The following WDR33 variants were observed in gnomAD, a reference collection of about 807,000 sequenced individuals.
WDR33 encodes WD repeat domain 33, also known as pre-mRNA 3' end processing protein WDR33.
In WDR33, 47 loss-of-function variants were observed where a neutral mutation model predicts 164.9. The observed-to-expected ratio is 0.29, with a 90% CI of 0.23 to 0.36. The LOEUF (loss-of-function observed/expected upper bound fraction) is 0.36, where lower values mean the gene tolerates loss of function less well. Ranked by LOEUF, WDR33 falls within the 10% of genes least tolerant of loss-of-function variation. The probability of loss-of-function intolerance (pLI) is 1.00; values close to 1 mark genes in which losing one functional copy is unlikely to be tolerated. For synonymous variants in WDR33, 505 were observed against 589.0 expected (o/e 0.86, Z 2.06); for missense variants, 1,137 against 1,754.1 (o/e 0.65, Z 6.28).
In WDR33 at chr2:127,708,863, G is replaced by C; in HGVS notation, c.3595C>G (p.Pro1199Ala). 2 of 1,586,682 alleles carry C rather than the reference G, an allele frequency of 1.3e-6. No homozygotes were observed. Among genetic ancestry groups the C allele is most frequent in the Non-Finnish European group, 1.7e-6 (2 of 1,163,272 alleles). Residue 1199 changes from proline (P) to alanine (A), a missense_variant, in exon 21 of 22, where the codon CCC becomes GCC. Physicochemically the swap from Pro to Ala is conservative, Grantham distance 27. Around this residue, in one of 9 missense-constraint regions of WDR33, gnomAD observed 867 missense variants for 1,073.0 expected, o/e 0.81. Coordinates refer to ENST00000322313, the MANE Select transcript of WDR33 (RefSeq NM_018383.5). This position sits in a 1 kb window ranked among gnomAD's most constrained non-coding sequence, Gnocchi z 6.7. ...GPGHEHFRDT[P>A]RPDHPPHDGH... ...TCGTGAGGGGGATGATCAGGGCGGG[G>C]AGTATCACGAAAATGTTCATGACCT...
At chr2:127,750,677 A>AAAAAT (rs1558936792) in intron 7 of WDR33, among the ~76,000 whole-genome samples, 5 of 35,798 alleles carry the variant, frequency 1.4e-4, no homozygotes, top group Non-Finnish European at 1.8e-4. Flanking sequence ...AAAAAAAAAA[A>AAAAAT]ATATATATAT....
intron 7 of WDR33, among the ~76,000 whole-genome samples, chr2:127,749,555 G>A (rs990016555): frequency 4.0e-5 from 6 of 151,620 alleles, no homozygotes; most frequent in South Asian, 4.2e-4. Flanking sequence ...CCAGCTATTC[G>A]GGAGGCTGAG....
At chr2:127,792,249 C>T (rs1238312252) in intron 1 of WDR33, among the ~76,000 whole-genome samples, 7 of 151,890 alleles carry the variant, frequency 4.6e-5, no homozygotes, top group East Asian at 3.9e-4. Flanking sequence ...ATCTTAGTAT[C>T]TTAGCAGTGG....
At chr2:127,728,891 C>A (rs1334295930) in intron 7 of WDR33, among the ~76,000 whole-genome samples, 1 of 152,198 alleles carries the variant, frequency 6.6e-6, no homozygotes, top group East Asian at 1.9e-4. Flanking sequence ...ACATAAAGAA[C>A]GTATGTCTGT....
In WDR33 at chr2:127,724,101, G is replaced by A. The variant is rs1042584408; in HGVS notation, c.1196+232C>T. Among the ~76,000 whole-genome samples the A allele has an allele frequency of 6.6e-6, 1 of 151,732 alleles. No individual in the cohort carries two copies. The highest frequency in any genetic ancestry group is 2.4e-5 in the African/African-American group (1 of 41,222). ...AATAAATAAATAAATAAATAAAAGT[G>A]GAAAACTTCTGTTTTAAGTCAGAAG... On this transcript the variant is annotated intron_variant, in intron 11 of 21. Coordinates refer to ENST00000322313, the MANE Select transcript of WDR33 (RefSeq NM_018383.5). This position sits in a 1 kb window ranked among gnomAD's most constrained non-coding sequence, Gnocchi z 4.8.
At position 127,768,225 on chromosome 2, in the gene WDR33, T is replaced by C. The variant is rs773287945; in HGVS notation, c.342A>G (p.Ser114=). Residue 114 remains serine, a synonymous_variant, in exon 4 of 22, where the codon TCA becomes TCG. Coordinates refer to ENST00000322313, the MANE Select transcript of WDR33 (RefSeq NM_018383.5). ...NAVTTKFVRT[S]TNKVKCPVFV... is the part of the protein sequence containing the mutation. ...ATACAGGACACTTTACTTTATTTGTTGATGTCCGAACAAATTTTGTTGTTA... is the reference window on the plus strand; with the variant it reads ...ATACAGGACACTTTACTTTATTTGTCGATGTCCGAACAAATTTTGTTGTTA... 5.1e-6 allele frequency: 8 copies of C among 1,583,304 alleles called. No homozygotes were observed. The highest frequency in any genetic ancestry group is 4.0e-5 in the African/African-American group (3 of 74,404).
intron 7 of WDR33, among the ~76,000 whole-genome samples, chr2:127,747,477 CTTTA>C (rs1040304727): frequency 1.3e-5 from 2 of 151,660 alleles, no homozygotes; most frequent in Non-Finnish European, 2.9e-5. Flanking sequence ...AATCTAAAAC[CTTTA>C]TTTAAAGATT....
intron 1 of WDR33, among the ~76,000 whole-genome samples, chr2:127,779,169 T>TTA (rs1553478762): frequency 1.1e-4 from 16 of 146,298 alleles, no homozygotes; most frequent in African/African-American, 2.8e-4. Flanking sequence ...TTTTAATAAT[T>TTA]AAAAAAAAAA....
rs888088151 is a variant in WDR33 at position 127,741,475 on chromosome 2, C to T, written c.725-14698G>A. ...GTGCTTCTCCACTCACTTCATTAAA[C>T]ACACACAAACATGCACGTGTGTACA... On this transcript the variant is annotated intron_variant, in intron 7 of 21. Transcript: ENST00000322313. The surrounding 1 kb of genome is among the most constrained non-coding windows in gnomAD (Gnocchi z 4.1). Among the ~76,000 whole-genome samples, 70 of 152,288 alleles carry T rather than the reference C, an allele frequency of 4.6e-4. No individual in the cohort carries two copies. The highest frequency in any genetic ancestry group is 1.5e-3 in the African/African-American group (62 of 41,558).
intron 4 of WDR33, among the ~76,000 whole-genome samples, chr2:127,765,488 C>A (rs888567865): frequency 2.0e-5 from 3 of 152,142 alleles, no homozygotes; most frequent in Admixed American, 2.0e-4. Flanking sequence ...AAATTAAAGA[C>A]AGTAAGTACA....
chr2:127,788,265 TCC>T (rs1688681115), intron 1 of WDR33, among the ~76,000 whole-genome samples: 1 of 115,064 alleles, frequency 8.7e-6, no homozygotes, highest in Non-Finnish European at 1.8e-5. Flanking sequence ...CCCACCTCCC[TCC>T]CGGACAGGGC....
At chr2:127,802,843 T>C (rs985612348) in intron 1 of WDR33, among the ~76,000 whole-genome samples, 4 of 151,882 alleles carry the variant, frequency 2.6e-5, no homozygotes, top group Admixed American at 6.6e-5. Flanking sequence ...TAGCCAGGCA[T>C]GGTGGTGCGC....
intron 7 of WDR33, among the ~76,000 whole-genome samples, chr2:127,743,869 C>T (rs1354839948): frequency 1.3e-5 from 2 of 152,138 alleles, no homozygotes; most frequent in African/African-American, 4.8e-5. Context: ...AGAGGCACTA[C>T]GTCAGACAGA....
chr2:127,750,737 T>C (rs140075367), intron 7 of WDR33, among the ~76,000 whole-genome samples: 6,277 of 66,706 alleles, frequency 0.094, 314 homozygotes, highest in African/African-American at 0.12. Flanking sequence ...CATATATATG[T>C]ATGCATACAT....
rs754454193 is a variant in WDR33 at position 127,711,751 on chromosome 2, G to GATATATATATATATAT, written c.3308+1816_3308+1831dup. Among the ~76,000 whole-genome samples the GATATATATATATATAT allele has an allele frequency of 4.3e-3, 305 of 71,524 alleles. 1 individual carries two copies. The highest frequency in any genetic ancestry group is 6.1e-3 in the Non-Finnish European group (258 of 42,612). 46.9% of individuals were successfully genotyped at this position (71,524 alleles called of 152,430 possible). A position where few individuals can be genotyped will look rare whatever the true frequency, so the allele number is the denominator to read the frequency against. On this transcript the variant is annotated intron_variant, in intron 18 of 21. Coordinates refer to ENST00000322313, the MANE Select transcript of WDR33 (RefSeq NM_018383.5). ...CAACCCTAACTCAACCACATATACA[G>GATATATATATATATAT]ATATATATATATATATATATATATA...
intron 7 of WDR33, among the ~76,000 whole-genome samples, chr2:127,743,229 T>A (rs1203906848): frequency 2.0e-5 from 3 of 152,206 alleles, no homozygotes; most frequent in Non-Finnish European, 4.4e-5. Context: ...ATTGAAAAAT[T>A]AAAAACCTAA....
In WDR33 at chr2:127,708,304, A is replaced by G. The variant is rs1686066155; in HGVS notation, c.3781+373T>C. On this transcript the variant is annotated intron_variant, in intron 21 of 21. Coordinates refer to ENST00000322313, the MANE Select transcript of WDR33 (RefSeq NM_018383.5). This position sits in a 1 kb window ranked among gnomAD's most constrained non-coding sequence, Gnocchi z 6.7. ...CCTCTAGACCCAGGCTAAAAAAACC[A>G]ACAGACCACCCAGGAGAGGACAACT... Among the ~76,000 whole-genome samples the G allele has an allele frequency of 6.6e-6, 1 of 152,166 alleles. No homozygotes were observed. Among genetic ancestry groups the G allele is most frequent in the South Asian group, 2.1e-4 (1 of 4,824 alleles).
chr2:127,737,135 T>A (rs963656181), intron 7 of WDR33: 1 of 985,444 alleles, frequency 1.0e-6, no homozygotes, highest in Non-Finnish European at 1.2e-6. Context: ...TACATTTTTT[T>A]AAAGGCTACT....
rs1686001629 is a variant in WDR33, at chr2:127,706,068, A to G, written c.*255T>C. 7.7e-6 allele frequency: 3 copies of G among 390,374 alleles called. No individual in the cohort carries two copies. The highest frequency in any genetic ancestry group is 1.4e-5 in the Non-Finnish European group (3 of 221,446). The allele number at this position is 390,374 out of a possible 1,614,324, so 24.2% of individuals were successfully genotyped here. A position where few individuals can be genotyped will look rare whatever the true frequency, so the allele number is the denominator to read the frequency against. On this transcript the variant is annotated 3_prime_UTR_variant, in exon 22 of 22. Transcript: ENST00000322313. The surrounding 1 kb of genome is among the most constrained non-coding windows in gnomAD (Gnocchi z 5.1). ...TCTTGTGAGACTTAAAAAAAAGAAA[A>G]AGATCCCAGCTTTTATCTTCACAAA...
Sources: allele counts gnomAD v4.1 joint callset (sites outside exome capture counted in the v4.1 genomes callset), GRCh38; gene constraint gnomAD v4.1.1; regional missense constraint gnomAD v4.1.1; non-coding constraint Gnocchi (gnomAD v3.1); transcripts MANE v1.5; gene names NCBI Gene and HGNC (gene_info 2026-07-23, HGNC 2026-07-21).